RTL9: variants seen among roughly 807,000 people sequenced by gnomAD.
RTL9 encodes retrotransposon Gag-like protein 9.
RTL9 carries 19 observed loss-of-function variants against 44.7 expected under a neutral mutation model. That is an observed-to-expected ratio of 0.42 (90% confidence interval 0.30 to 0.62). The LOEUF (loss-of-function observed/expected upper bound fraction) is 0.62, where lower values mean the gene tolerates loss of function less well. Among genes scored for constraint, RTL9 ranks in the 20% least tolerant of loss-of-function variants. The pLI is 0.16. For synonymous variants in RTL9, 407 were observed against 398.9 expected, an observed-to-expected ratio of 1.02 and a Z score of -0.24; for missense variants, 1,105 against 1,080.6, an observed-to-expected ratio of 1.02 and a Z score of -0.32.
chrX:110,413,295 G>C (rs778336683), intron 1 of RTL9, among the ~76,000 whole-genome samples: 3 of 111,405 alleles, frequency 2.7e-5, no homozygotes, highest in African/African-American at 9.8e-5. Flanking sequence ...TCTCCACGGC[G>C]GATCTCACGG....
At chrX:110,450,587 C>A (rs781552461) in exon 1 of RTL9, 1 of 1,165,157 alleles carries the variant, frequency 8.6e-7, no homozygotes, top group East Asian at 3.0e-5. Context: ...CTCCTGGGCT[C>A]CCTCCACACT....
At chrX:110,400,272 A>G (rs892578058) in intron 1 of RTL9, among the ~76,000 whole-genome samples, 2 of 106,552 alleles carry the variant, frequency 1.9e-5, no homozygotes. Context: ...TTCAAACAAC[A>G]TGGAAGCCTC....
chrX:110,416,917 A>G (rs185156953), upstream of RTL9, among the ~76,000 whole-genome samples: 5 of 112,153 alleles, frequency 4.5e-5, no homozygotes, highest in African/African-American at 9.7e-5. Context: ...TATCTTTGCT[A>G]AAGGAAGAGG....
chrX:110,438,342 C>T (rs2068854430), intron 1 of RTL9, among the ~76,000 whole-genome samples: 1 of 111,834 alleles, frequency 8.9e-6, no homozygotes, highest in South Asian at 3.8e-4. Flanking sequence ...ATGGAACATT[C>T]TTAATGCTCC....
chrX:110,377,370 TAC>T (rs2068384309), intron 1 of RTL9, among the ~76,000 whole-genome samples: 1 of 111,940 alleles, frequency 8.9e-6, no homozygotes, highest in Admixed American at 9.4e-5. Context: ...CACCGATACC[TAC>T]AGTCTTCCAG....
chrX:110,400,161 A>T (rs936702893), intron 1 of RTL9, among the ~76,000 whole-genome samples: 6 of 107,214 alleles, frequency 5.6e-5, no homozygotes, highest in African/African-American at 2.0e-4. Flanking sequence ...TTACACACAC[A>T]TTTGGGTGCA....
At position 110,453,812 on chromosome X, in the gene RTL9, C is replaced by T. The variant is rs762937067; in HGVS notation, c.3195C>T (p.Asp1065=). Reference sequence around the variant, plus strand: ...CCATGCCACAAATGACAGCCACAGACTCTAGAGGGATGTCCACACCACTAA... The same window carrying T: ...CCATGCCACAAATGACAGCCACAGATTCTAGAGGGATGTCCACACCACTAA... The change falls in exon 1 of 2, where the codon GAC becomes GAT. Residue 1065 remains aspartate, a synonymous_variant. Coordinates refer to ENST00000540313, the Ensembl canonical transcript of RTL9. 7.4e-6 allele frequency: 9 copies of T among 1,211,391 alleles called. No homozygotes were observed. The East Asian group carries it at 1.5e-4, about 20-fold the overall frequency.
chrX:110,378,008 CAA>C (rs755483656), intron 1 of RTL9, among the ~76,000 whole-genome samples: 16 of 30,944 alleles, frequency 5.2e-4, no homozygotes, highest in African/African-American at 1.2e-3. Flanking sequence ...GACTCCGTCT[CAA>C]AAAAAAAAAA....
intron 1 of RTL9, among the ~76,000 whole-genome samples, chrX:110,384,325 G>C (rs901982366): frequency 1.8e-5 from 2 of 110,672 alleles, no homozygotes; most frequent in Admixed American, 1.9e-4. Context: ...TTTGGATCTT[G>C]ATTCTGCTCA....
chrX:110,421,392 A>C (rs1480744562), intron 1 of RTL9, among the ~76,000 whole-genome samples: 3 of 112,586 alleles, frequency 2.7e-5, no homozygotes, highest in Non-Finnish European at 5.6e-5. Context: ...TTTTGGCTCA[A>C]GAACAAATGA....
At chrX:110,430,819 A>G (rs1031472485) in intron 1 of RTL9, among the ~76,000 whole-genome samples, 1 of 112,620 alleles carries the variant, frequency 8.9e-6, no homozygotes, top group Non-Finnish European at 1.9e-5. Context: ...TAAACACAGG[A>G]GTGCTTTGAA....
intron 1 of RTL9, among the ~76,000 whole-genome samples, chrX:110,427,216 ACCATTCTCC>A (rs761868366): frequency 8.9e-6 from 1 of 111,735 alleles, no homozygotes; most frequent in Non-Finnish European, 1.9e-5. Context: ...GTCCTCTGTG[ACCATTCTCC>A]CCAAAGTGGC....
At chrX:110,427,226 C>G (rs2068760616) in intron 1 of RTL9, among the ~76,000 whole-genome samples, 1 of 111,825 alleles carries the variant, frequency 8.9e-6, no homozygotes, top group Non-Finnish European at 1.9e-5. Flanking sequence ...ACCATTCTCC[C>G]CAAAGTGGCC....
At chrX:110,413,523 C>A (rs892578143) in intron 1 of RTL9, among the ~76,000 whole-genome samples, 6 of 105,555 alleles carry the variant, frequency 5.7e-5, no homozygotes, top group Non-Finnish European at 7.9e-5. Flanking sequence ...AACCCCCCCC[C>A]ACCCCCACAT....
At chrX:110,442,247 C>CTCTCTCTCTCTGTG (rs1556214261) in intron 1 of RTL9, among the ~76,000 whole-genome samples, 1 of 97,036 alleles carries the variant, frequency 1.0e-5, no homozygotes, top group African/African-American at 3.9e-5. Flanking sequence ...CTCTCTCTCT[C>CTCTCTCTCTCTGTG]TGTGTGTGTG....
At chrX:110,372,682 T>C (rs776946918) in intron 1 of RTL9, among the ~76,000 whole-genome samples, 1 of 111,908 alleles carries the variant, frequency 8.9e-6, no homozygotes, top group African/African-American at 3.2e-5. Context: ...CAACACAACT[T>C]AAAACACAGA....
exon 1 of RTL9, chrX:110,451,376 A>G: frequency 1.7e-6 from 2 of 1,211,784 alleles, no homozygotes; most frequent in Non-Finnish European, 2.2e-6. Flanking sequence ...TAGCCTCTGG[A>G]GAGATATCTT....
intron 1 of RTL9, among the ~76,000 whole-genome samples, chrX:110,381,286 A>G (rs1164886079): frequency 8.9e-6 from 1 of 112,429 alleles, no homozygotes; most frequent in Non-Finnish European, 1.9e-5. Flanking sequence ...GACGCTTTTC[A>G]AAAGAAGACA....
At chrX:110,402,060 C>A (rs2068569026) in intron 1 of RTL9, among the ~76,000 whole-genome samples, 1 of 112,205 alleles carries the variant, frequency 8.9e-6, no homozygotes, top group Admixed American at 9.4e-5. Context: ...CTTTGGCAAC[C>A]CTCTGTCCCA....
Sources: gnomAD v4.1 joint callset for allele counts (sites outside exome capture counted in the v4.1 genomes callset) on GRCh38, gnomAD v4.1.1 for gene constraint, MANE v1.5 for transcripts, NCBI Gene and HGNC (gene_info 2026-07-23, HGNC 2026-07-21) for gene names.